Variants in UPRT observed in about 807,000 individuals in gnomAD.
The protein encoded by UPRT is uracil phosphoribosyltransferase homolog, also known as RP11-311P8.3.
A neutral mutation model predicts 22.6 loss-of-function variants in UPRT; 5 were observed. The ratio of observed to expected loss-of-function variants is 0.22; its 90% confidence interval spans 0.12 to 0.47. The LOEUF is 0.47. UPRT is among the 20% of genes least tolerant of loss of function. The pLI is 0.99. For missense variants in UPRT, 181 were observed against 239.9 expected (o/e 0.75, Z 1.62); for synonymous variants, 77 against 87.7 (o/e 0.88, Z 0.68).
At position 75,274,774 on chromosome X, in the gene UPRT, TG is replaced by T. The variant is rs1212166644; in HGVS notation, c.386+136del. 3 of 588,747 alleles carry T rather than the reference TG, an allele frequency of 5.1e-6. No homozygotes were observed. The East Asian group carries it at 1.2e-4, about 23-fold the overall frequency. The allele number at this position is 588,747 out of a possible 1,213,427, so 48.5% of individuals were successfully genotyped here. A position where few individuals can be genotyped will look rare whatever the true frequency, so the allele number is the denominator to read the frequency against. ...GGAGATTGGGGTAAGACCTTTTATT[TG>T]GTGTGTGTGTGTGTGTGTGTGTGTG... On this transcript the variant is annotated intron_variant, in intron 1 of 6. Coordinates refer to ENST00000373383, the MANE Select transcript of UPRT (RefSeq NM_145052.4).
At chrX:75,175,000 TTC>T (rs1363421023) in intron 4 of UPRT, among the ~76,000 whole-genome samples, 1 of 110,745 alleles carries the variant, frequency 9.0e-6, no homozygotes, top group Non-Finnish European at 1.9e-5. Context: ...CTCTGTTTCT[TTC>T]TCTCTCTCGT....
chrX:75,248,630 A>C (rs187644182), intron 4 of UPRT, among the ~76,000 whole-genome samples: 6 of 112,053 alleles, frequency 5.4e-5, no homozygotes, highest in Admixed American at 2.8e-4. Context: ...GTTGGAAAAC[A>C]CTCTGCAGGA....
intron 4 of UPRT, among the ~76,000 whole-genome samples, chrX:75,265,277 T>C (rs1163320250): frequency 1.8e-5 from 2 of 111,931 alleles, no homozygotes; most frequent in Non-Finnish European, 3.8e-5. Context: ...CAGAGTGTTT[T>C]CCAACTTGGT....
chrX:75,223,267 T>G (rs1396839799), intron 4 of UPRT, among the ~76,000 whole-genome samples: 4 of 108,866 alleles, frequency 3.7e-5, no homozygotes, highest in African/African-American at 1.3e-4. Context: ...CAGAAGGAAG[T>G]AGTCTTTTTG....
intron 4 of UPRT, among the ~76,000 whole-genome samples, chrX:75,190,751 T>C (rs963401074): frequency 8.9e-6 from 1 of 111,905 alleles, no homozygotes; most frequent in Non-Finnish European, 1.9e-5. Context: ...CTGATACCCT[T>C]TCTTCCAGTT....
At chrX:75,213,718 A>C (rs896673144) in intron 4 of UPRT, among the ~76,000 whole-genome samples, 3 of 112,013 alleles carry the variant, frequency 2.7e-5, no homozygotes, top group African/African-American at 9.7e-5. Flanking sequence ...AGAGCAAAAA[A>C]AAAGTATCAG....
intron 4 of UPRT, among the ~76,000 whole-genome samples, chrX:75,236,420 A>C (rs376046992): frequency 6.3e-5 from 7 of 111,597 alleles, no homozygotes; most frequent in Non-Finnish European, 1.3e-4. Flanking sequence ...GCTACCAATG[A>C]CTTTCTTCAC....
In UPRT at chrX:75,303,794, G is replaced by C. The variant is rs2082752697; in HGVS notation, c.*283G>C. 1 of 171,717 alleles carries C rather than the reference G, an allele frequency of 5.8e-6. No individual in the cohort carries two copies. 14.2% of individuals were successfully genotyped at this position (171,717 alleles called of 1,213,427 possible). A position where few individuals can be genotyped will look rare whatever the true frequency, so the allele number is the denominator to read the frequency against. ...GCATTAAAATTATTTCCTAATTTAT[G>C]AGCCTCTTAGTTTGGAGGTTGCTTG... On this transcript the variant is annotated 3_prime_UTR_variant, in exon 7 of 7. Coordinates refer to ENST00000373383, the MANE Select transcript of UPRT (RefSeq NM_145052.4).
Position 75,227,029 on chromosome X carries a change from A to AAACAAGC in UPRT, c.-447+59151_-447+59157dup, listed in dbSNP as rs2082425549. Among the ~76,000 whole-genome samples, 3 of 111,153 alleles carry AAACAAGC rather than the reference A, an allele frequency of 2.7e-5. No homozygotes were observed. In the Admixed American group the frequency reaches 2.9e-4, roughly 11 times the overall value. On this transcript the variant is annotated intron_variant, in intron 4 of 13. Coordinates refer to the UPRT transcript ENST00000652605. ...TTTATTCTCATTGCAAATTGGGCAC[A>AAACAAGC]AACAAGCTTTGGGCATGTATGTGAG...
At chrX:75,211,859 C>T (rs905234724) in intron 4 of UPRT, among the ~76,000 whole-genome samples, 3 of 111,632 alleles carry the variant, frequency 2.7e-5, no homozygotes, top group African/African-American at 6.5e-5. Context: ...ACCAGTATAT[C>T]GCAAAAACCT....
intron 4 of UPRT, among the ~76,000 whole-genome samples, chrX:75,198,881 G>A (rs1039445729): frequency 2.7e-5 from 3 of 111,360 alleles, no homozygotes; most frequent in Non-Finnish European, 3.8e-5. Context: ...GAAGGAGAGC[G>A]CAGTGACTAT....
intron 4 of UPRT, among the ~76,000 whole-genome samples, chrX:75,173,696 G>T (rs1223180639): frequency 8.9e-6 from 1 of 112,403 alleles, no homozygotes; most frequent in Non-Finnish European, 1.9e-5. Context: ...CCATGGAGTG[G>T]GTGGGAGGCT....
chrX:75,260,930 GAA>G (rs954894843), intron 4 of UPRT, among the ~76,000 whole-genome samples: 4 of 112,188 alleles, frequency 3.6e-5, no homozygotes, highest in African/African-American at 1.3e-4. Flanking sequence ...AATCAAATGA[GAA>G]CTGAGGATTA....
chrX:75,301,666 T>A (rs2147705927), intron 6 of UPRT, among the ~76,000 whole-genome samples: 1 of 111,968 alleles, frequency 8.9e-6, no homozygotes, highest in South Asian at 3.7e-4. Context: ...TAAATCATGT[T>A]TTTGGAAAAT....
chrX:75,264,159 A>AGGTGT (rs988848558), intron 4 of UPRT, among the ~76,000 whole-genome samples: 23 of 111,487 alleles, frequency 2.1e-4, no homozygotes, highest in Non-Finnish European at 3.0e-4. Flanking sequence ...GTTTTGGAAT[A>AGGTGT]GGTGTGGTGT....
Position 75,274,318 on chromosome X carries a change from T to A in UPRT, c.64T>A (p.Ser22Thr), listed in dbSNP as rs1472310698. The A allele has an allele frequency of 1.7e-6, 2 of 1,209,858 alleles. No homozygotes were observed. Among genetic ancestry groups the A allele is most frequent in the Non-Finnish European group, 1.1e-6 (1 of 895,183 alleles). ...PCHNQQVNSA[S>T]TPSPEQLRPG... ...TCACAACCAGCAAGTAAACTCTGCC[T>A]CAACCCCAAGTCCCGAGCAGCTGCG... Residue 22 changes from serine to threonine, a missense_variant, in exon 1 of 7, where the codon TCA becomes ACA. Ser to Thr is a moderately conservative substitution (Grantham distance 58, BLOSUM62 1). This residue lies in a region of UPRT where 111 missense variants were observed against 102.8 expected (regional missense o/e 1.08). Coordinates refer to ENST00000373383, the MANE Select transcript of UPRT (RefSeq NM_145052.4).
chrX:75,268,353 G>A (rs1569278638), intron 4 of UPRT, among the ~76,000 whole-genome samples: 2 of 111,051 alleles, frequency 1.8e-5, no homozygotes, highest in East Asian at 5.7e-4. Flanking sequence ...GTACCATTCC[G>A]TTTGAAACTA....
intron 4 of UPRT, among the ~76,000 whole-genome samples, chrX:75,181,390 T>C (rs1201772493): frequency 5.4e-5 from 6 of 111,834 alleles, no homozygotes; most frequent in Non-Finnish European, 7.5e-5. Flanking sequence ...GTAATGCATG[T>C]TATTGGTAGT....
At chrX:75,196,951 A>G (rs1379653686) in intron 4 of UPRT, among the ~76,000 whole-genome samples, 2 of 111,993 alleles carry the variant, frequency 1.8e-5, no homozygotes, top group African/African-American at 6.5e-5. Flanking sequence ...TGCTGTTTCT[A>G]GTAAATCGGG....
Sources: gnomAD v4.1 joint callset for allele counts (sites outside exome capture counted in the v4.1 genomes callset) on GRCh38, gnomAD v4.1.1 for gene constraint, gnomAD v4.1.1 regional missense constraint, MANE v1.5 for transcripts, NCBI Gene and HGNC (gene_info 2026-07-23, HGNC 2026-07-21) for gene names.